Variants in ADAMTSL1 observed in about 807,000 individuals in gnomAD.
The protein encoded by ADAMTSL1 is ADAMTS like 1.
Under a neutral mutation model 201.8 loss-of-function variants are expected in ADAMTSL1, and 126 were observed. That is an observed-to-expected ratio of 0.62 (90% CI 0.54 to 0.72). The LOEUF (loss-of-function observed/expected upper bound fraction) is 0.72. Among genes scored for constraint, ADAMTSL1 ranks in the 30% least tolerant of loss-of-function variants. ADAMTSL1 has a pLI of 0.00. For missense variants in ADAMTSL1, 2,679 were observed against 2,277.8 expected (o/e 1.18, Z -3.59); for synonymous variants, 1,121 against 903.4 (o/e 1.24, Z -4.32).
intron 1 of ADAMTSL1, among the ~76,000 whole-genome samples, chr9:18,017,943 C>A (rs1351100182): frequency 3.9e-5 from 6 of 151,962 alleles, no homozygotes; most frequent in Non-Finnish European, 8.8e-5. Context: ...TTAAAAATAC[C>A]ATTATCTTTG....
chr9:18,599,558 A>T (rs1266213826), intron 4 of ADAMTSL1, among the ~76,000 whole-genome samples: 1 of 152,140 alleles, frequency 6.6e-6, no homozygotes, highest in Non-Finnish European at 1.5e-5. Context: ...TGTCAAGGCT[A>T]TTTGGGTTTA....
intron 26 of ADAMTSL1, among the ~76,000 whole-genome samples, chr9:18,895,805 C>T (rs1829598055): frequency 6.6e-6 from 1 of 152,042 alleles, no homozygotes; most frequent in Admixed American, 6.6e-5. Flanking sequence ...TTCAAATGCC[C>T]AATTTTCAGC....
chr9:17,921,175 A>G (rs1483189267), intron 1 of ADAMTSL1, among the ~76,000 whole-genome samples: 2 of 152,128 alleles, frequency 1.3e-5, no homozygotes, highest in Non-Finnish European at 2.9e-5. Flanking sequence ...TACTTTCTAA[A>G]GGATTTTCTC....
chr9:18,101,206 G>A (rs997158380), intron 1 of ADAMTSL1, among the ~76,000 whole-genome samples: 1 of 152,004 alleles, frequency 6.6e-6, no homozygotes, highest in African/African-American at 2.4e-5. Context: ...CATTTAAAAC[G>A]GATTATGTAG....
chr9:18,620,722 T>C (rs1825984350), intron 4 of ADAMTSL1, among the ~76,000 whole-genome samples: 1 of 152,176 alleles, frequency 6.6e-6, no homozygotes, highest in African/African-American at 2.4e-5. Context: ...TCAGCTACAC[T>C]GAACCCATAG....
chr9:18,897,521 T>A (rs11999503), intron 26 of ADAMTSL1, among the ~76,000 whole-genome samples: 3,785 of 152,350 alleles, frequency 0.025, 162 homozygotes, highest in African/African-American at 0.082. Context: ...AGGGGCAGGC[T>A]GCCATCTTTG....
intron 1 of ADAMTSL1, among the ~76,000 whole-genome samples, chr9:18,056,927 C>T (rs1285593578): frequency 6.6e-6 from 1 of 152,114 alleles, no homozygotes; most frequent in South Asian, 2.1e-4. Flanking sequence ...AAATATTAGA[C>T]CTTGTCAGGA....
intron 2 of ADAMTSL1, among the ~76,000 whole-genome samples, chr9:18,180,292 G>T (rs1216631115): frequency 6.6e-6 from 1 of 152,172 alleles, no homozygotes; most frequent in Non-Finnish European, 1.5e-5. Flanking sequence ...CCAGCACTTT[G>T]GGAGGCTGAG....
At chr9:18,748,469 A>C (rs1819269648) in intron 15 of ADAMTSL1, among the ~76,000 whole-genome samples, 1 of 152,232 alleles carries the variant, frequency 6.6e-6, no homozygotes, top group Non-Finnish European at 1.5e-5. Flanking sequence ...TGCTGTGGTA[A>C]AATGTATAAA....
intron 7 of ADAMTSL1, among the ~76,000 whole-genome samples, chr9:18,650,266 G>T (rs1256653991): frequency 6.6e-6 from 1 of 152,244 alleles, no homozygotes; most frequent in Non-Finnish European, 1.5e-5. Flanking sequence ...TTGGGTGGGA[G>T]TGACCCGATT....
chr9:18,307,295 C>G (rs1295585916), intron 2 of ADAMTSL1, among the ~76,000 whole-genome samples: 1 of 152,106 alleles, frequency 6.6e-6, no homozygotes, highest in African/African-American at 2.4e-5. Context: ...AACTAACAGG[C>G]AAAATAACCA....
intron 5 of ADAMTSL1, among the ~76,000 whole-genome samples, chr9:18,622,894 G>T (rs1430081577): frequency 2.0e-5 from 3 of 151,986 alleles, no homozygotes; most frequent in Non-Finnish European, 4.4e-5. Context: ...TTTTGTTTTT[G>T]TTTGTTTTTG....
At chr9:18,474,145 T>C (rs1327992957), upstream of ADAMTSL1, 3 of 1,202,572 alleles carry the variant, frequency 2.5e-6, no homozygotes, top group East Asian at 4.9e-5. Flanking sequence ...GACTGGAGTG[T>C]TAGCACCAGT....
At chr9:18,124,630 A>G (rs1022891865) in intron 1 of ADAMTSL1, among the ~76,000 whole-genome samples, 2 of 152,154 alleles carry the variant, frequency 1.3e-5, no homozygotes, top group Admixed American at 6.5e-5. Context: ...TATAGTGAGT[A>G]TATAAAAATA....
intron 3 of ADAMTSL1, among the ~76,000 whole-genome samples, chr9:18,545,890 T>A (rs1820438169): frequency 6.6e-6 from 1 of 152,224 alleles, no homozygotes; most frequent in South Asian, 2.1e-4. Context: ...GTGTTCAGCC[T>A]GGTTTCTGTA....
At chr9:18,127,950 G>T (rs1204207559) in intron 1 of ADAMTSL1, among the ~76,000 whole-genome samples, 1 of 152,098 alleles carries the variant, frequency 6.6e-6, no homozygotes, top group Non-Finnish European at 1.5e-5. Flanking sequence ...CCTTTTCTTA[G>T]AAGAGGCATT....
intron 19 of ADAMTSL1, among the ~76,000 whole-genome samples, chr9:18,783,171 T>G (rs1563797855): frequency 6.6e-6 from 1 of 152,186 alleles, no homozygotes; most frequent in Admixed American, 6.5e-5. Flanking sequence ...TACATTGAGA[T>G]GATAAATAAG....
At position 18,501,637 on chromosome 9, in the gene ADAMTSL1, A is replaced by G. The variant is rs116425981; in HGVS notation, c.64-3192A>G. ...AACAAATACTTCTAGATTTTAAATA[A>G]TCAGAAAGGCATCTCTAAAAAGTCA... is the stretch of plus-strand genomic sequence containing the variant. On this transcript the variant is annotated intron_variant, in intron 1 of 28. Coordinates refer to ENST00000380548, the MANE Select transcript of ADAMTSL1 (RefSeq NM_001040272.6). 7.2e-3 allele frequency among the ~76,000 whole-genome samples: 1,098 copies of G among 152,354 alleles called. 10 individuals carry two copies. Among genetic ancestry groups the G allele is most frequent in the African/African-American group, 0.025 (1,037 of 41,570 alleles).
intron 2 of ADAMTSL1, among the ~76,000 whole-genome samples, chr9:18,528,046 T>C: frequency 6.6e-6 from 1 of 152,072 alleles, no homozygotes. Context: ...CCCGGCTAAT[T>C]TTTGTATTTT....
Sources: gnomAD v4.1 joint callset for allele counts (sites outside exome capture counted in the v4.1 genomes callset) on GRCh38, gnomAD v4.1.1 for gene constraint, MANE v1.5 for transcripts, NCBI Gene and HGNC (gene_info 2026-07-23, HGNC 2026-07-21) for gene names.